The following SLC44A3 variants were observed in gnomAD, a reference collection of about 807,000 sequenced individuals.
SLC44A3 encodes the protein choline transporter-like protein 3.
SLC44A3 carries 74 observed loss-of-function variants against 75.4 expected under a neutral mutation model. The observed-to-expected ratio is 0.98, with a 90% CI of 0.81 to 1.19. SLC44A3 has a LOEUF of 1.19. SLC44A3 is among the 50% of genes most tolerant of loss of function. The pLI, the probability that SLC44A3 is intolerant of heterozygous loss-of-function variation, is 0.00. For missense variants in SLC44A3, 700 were observed against 778.6 expected, an observed-to-expected ratio of 0.90 and a Z score of 1.20; for synonymous variants, 310 against 296.9, an observed-to-expected ratio of 1.04 and a Z score of -0.45.
In SLC44A3 at chr1:94,893,442, G is replaced by A. The variant is rs188974533; in HGVS notation, c.1857+925G>A. 8.8e-4 allele frequency among the ~76,000 whole-genome samples: 134 copies of A among 151,768 alleles called. 1 individual carries two copies. The highest frequency in any genetic ancestry group is 2.7e-3 in the African/African-American group (110 of 41,286). Reference sequence around the variant, plus strand: ...GTTGCCCAGGCTTGAGTGCAATGGCGCAATCTCAGCTCACCGCAACCTCCA... The same window carrying A: ...GTTGCCCAGGCTTGAGTGCAATGGCACAATCTCAGCTCACCGCAACCTCCA... On this transcript the variant is annotated intron_variant, in intron 14 of 14. Transcript: ENST00000271227.
Position 94,854,600 on chromosome 1 carries a change from G to A in SLC44A3, c.1073-2735G>A, listed in dbSNP as rs571976339. ...AGGGCAGTCATGTGTGCCTAAGCAC[G>A]TCTACCCCACCCACAGGCTCTGCAA... On this transcript the variant is annotated intron_variant, in intron 9 of 14. Coordinates refer to ENST00000271227, the MANE Select transcript of SLC44A3 (RefSeq NM_001114106.3). Among the ~76,000 whole-genome samples, 6 of 152,354 alleles carry A rather than the reference G, an allele frequency of 3.9e-5. No individual in the cohort carries two copies. In the East Asian group the frequency reaches 7.7e-4, roughly 20 times the overall value.
chr1:94,878,413 C>T (rs186216505), intron 12 of SLC44A3, among the ~76,000 whole-genome samples: 35 of 152,272 alleles, frequency 2.3e-4, no homozygotes, highest in Non-Finnish European at 4.6e-4. Context: ...AGGACCCGAA[C>T]GCCCTCAGTA....
intron 6 of SLC44A3, among the ~76,000 whole-genome samples, chr1:94,838,115 T>G (rs539924112): frequency 6.6e-6 from 1 of 152,350 alleles, no homozygotes; most frequent in South Asian, 2.1e-4. Context: ...TGTTCTAGTG[T>G]CTGCTCCTCA....
chr1:94,868,167 A>G (rs1054695156), intron 12 of SLC44A3, among the ~76,000 whole-genome samples: 35 of 152,142 alleles, frequency 2.3e-4, no homozygotes, highest in Non-Finnish European at 4.4e-5. Flanking sequence ...GTATTTCTCT[A>G]TAGAGCATTT....
Position 94,842,030 on chromosome 1 carries a change from A to T in SLC44A3, c.791A>T (p.Tyr264Phe). 6.2e-7 allele frequency: 1 copy of T among 1,613,316 alleles called. No individual in the cohort carries two copies. Among genetic ancestry groups the T allele is most frequent in the Non-Finnish European group, 8.5e-7 (1 of 1,179,740 alleles). Reference sequence around the variant, plus strand: ...TGCGGTGTTTTATGGTGGCTGTATTATGACTATACCAACGACCTCAGCATA... The same window carrying T: ...TGCGGTGTTTTATGGTGGCTGTATTTTGACTATACCAACGACCTCAGCATA... ...FVCGVLWWLY[Y>F]DYTNDLSIEL... Residue 264 changes from tyrosine (Y) to phenylalanine (F), a missense_variant, in exon 8 of 15, where the codon TAT (tyrosine) becomes TTT (phenylalanine). Coordinates refer to ENST00000271227, the MANE Select transcript of SLC44A3 (RefSeq NM_001114106.3).
rs1019155889 is a variant in SLC44A3, at chr1:94,824,454, C to A, written c.136-39C>A. The A allele has an allele frequency of 3.2e-6, 5 of 1,554,436 alleles. No homozygotes were observed. The African/African-American group carries it at 5.5e-5, about 17-fold the overall frequency. ...GGGGTGTGGGGCACTGTGCGCTCAGCCCTTTGGCCAGGCTCTCATATGCCC... is the reference window on the plus strand; with the variant it reads ...GGGGTGTGGGGCACTGTGCGCTCAGACCTTTGGCCAGGCTCTCATATGCCC... On this transcript the variant is annotated intron_variant, in intron 2 of 14. Coordinates refer to ENST00000271227, the MANE Select transcript of SLC44A3 (RefSeq NM_001114106.3).
intron 12 of SLC44A3, among the ~76,000 whole-genome samples, chr1:94,869,944 AC>A (rs1210123617): frequency 6.6e-6 from 1 of 152,152 alleles, no homozygotes; most frequent in Non-Finnish European, 1.5e-5. Flanking sequence ...TACCATCAAA[AC>A]TCAGATGCTC....
At chr1:94,859,727 T>C (rs1571325974) in intron 10 of SLC44A3, among the ~76,000 whole-genome samples, 1 of 152,122 alleles carries the variant, frequency 6.6e-6, no homozygotes, top group Non-Finnish European at 1.5e-5. Context: ...GTCTCTGTAC[T>C]GAAAGCAGGG....
In SLC44A3 at chr1:94,869,155, C is replaced by A. The variant is rs1303862856; in HGVS notation, c.1482+1738C>A. Among the ~76,000 whole-genome samples, 3 of 152,248 alleles carry A rather than the reference C, an allele frequency of 2.0e-5. No homozygotes were observed. In the East Asian group the frequency reaches 5.8e-4, roughly 29 times the overall value. Reference sequence around the variant, plus strand: ...CATTTTCACATTTGTTTCCTCTGCCCTGTTATCCTGAGATACGTATTTTCC... The same window carrying A: ...CATTTTCACATTTGTTTCCTCTGCCATGTTATCCTGAGATACGTATTTTCC... On this transcript the variant is annotated intron_variant, in intron 12 of 14. Coordinates refer to ENST00000271227, the MANE Select transcript of SLC44A3 (RefSeq NM_001114106.3).
At chr1:94,860,716 C>G (rs1208117950) in intron 10 of SLC44A3, among the ~76,000 whole-genome samples, 1 of 152,168 alleles carries the variant, frequency 6.6e-6, no homozygotes, top group Non-Finnish European at 1.5e-5. Context: ...TACTACCAGT[C>G]AAGGGTAAAG....
intron 8 of SLC44A3, chr1:94,843,609 G>C (rs1009160286): frequency 1.3e-5 from 2 of 152,228 alleles, no homozygotes. Flanking sequence ...AAGAGAAAGA[G>C]CATCTCAGGC....
chr1:94,825,824 C>T lies in SLC44A3; in HGVS notation c.278+1189C>T, dbSNP rs1373548570. ...ACTAATTACGGAGCATTTTCTCCTGCACTCATAGAGCCACTTACAAAGAAG... is the reference window on the plus strand; with the variant it reads ...ACTAATTACGGAGCATTTTCTCCTGTACTCATAGAGCCACTTACAAAGAAG... On this transcript the variant is annotated intron_variant, in intron 3 of 14. Transcript: ENST00000271227. 6 of 456,116 alleles carry T rather than the reference C, an allele frequency of 1.3e-5. No individual in the cohort carries two copies. The East Asian group carries it at 4.2e-4, about 32-fold the overall frequency. 28.3% of individuals were successfully genotyped at this position (456,116 alleles called of 1,614,324 possible).
chr1:94,872,063 T>C (rs148369804), intron 12 of SLC44A3, among the ~76,000 whole-genome samples: 3 of 152,344 alleles, frequency 2.0e-5, no homozygotes, highest in Non-Finnish European at 4.4e-5. Context: ...CATTCTTGTC[T>C]TGATGTTTTA....
chr1:94,873,464 C>G (rs926269137), intron 12 of SLC44A3, among the ~76,000 whole-genome samples: 7 of 152,296 alleles, frequency 4.6e-5, no homozygotes, highest in African/African-American at 1.4e-4. Context: ...GAAAAACCTG[C>G]TGCTTCTGGG....
intron 1 of SLC44A3, 144 bp from the exon 2 acceptor site, chr1:94,820,805 G>T: frequency 7.6e-7 from 1 of 1,312,928 alleles, no homozygotes; most frequent in Middle Eastern, 2.8e-4. Flanking sequence ...AGCTTCAGGT[G>T]GCCACGTAAA....
At chr1:94,851,401 G>T (rs751793736) in intron 9 of SLC44A3, among the ~76,000 whole-genome samples, 61 of 152,158 alleles carry the variant, frequency 4.0e-4, no homozygotes, top group Non-Finnish European at 7.1e-4. Flanking sequence ...TACTGGGTGG[G>T]CATAGAGGCA....
intron 12 of SLC44A3, among the ~76,000 whole-genome samples, chr1:94,871,892 C>A (rs970530472): frequency 2.8e-4 from 42 of 152,158 alleles, no homozygotes; most frequent in South Asian, 1.4e-3. Context: ...AGGACTCAAA[C>A]TCATTACTCT....
rs1661020230 is a variant in SLC44A3 at position 94,824,405 on chromosome 1, C to T, written c.136-88C>T. 2.1e-6 allele frequency: 3 copies of T among 1,444,522 alleles called. No homozygotes were observed. In the East Asian group the frequency reaches 7.3e-5, roughly 35 times the overall value. 89.5% of individuals were successfully genotyped at this position (1,444,522 alleles called of 1,614,324 possible). On this transcript the variant is annotated intron_variant, in intron 2 of 14. Coordinates refer to ENST00000271227, the MANE Select transcript of SLC44A3 (RefSeq NM_001114106.3). Reference sequence around the variant, plus strand: ...CTGGAGAGCTTCACGTTCCACCAGGCTCCGTTTTATATCAGCATCTGCAGG... The same window carrying T: ...CTGGAGAGCTTCACGTTCCACCAGGTTCCGTTTTATATCAGCATCTGCAGG...
chr1:94,882,790 G>T (rs1669141865), intron 12 of SLC44A3, among the ~76,000 whole-genome samples: 2 of 151,510 alleles, frequency 1.3e-5, no homozygotes, highest in African/African-American at 2.4e-5. Context: ...AAGAGCACTG[G>T]CTATGAGCAC....
Sources: allele counts gnomAD v4.1 joint callset (sites outside exome capture counted in the v4.1 genomes callset), GRCh38; gene constraint gnomAD v4.1.1; transcripts MANE v1.5; gene names NCBI Gene and HGNC (gene_info 2026-07-23, HGNC 2026-07-21).